The following ROBO2 variants were observed in gnomAD, a reference collection of about 807,000 sequenced individuals.
ROBO2 encodes roundabout homolog 2.
A neutral mutation model predicts 160.8 loss-of-function variants in ROBO2; 53 were observed. The ratio of observed to expected loss-of-function variants is 0.33; its 90% CI spans 0.26 to 0.41. The LOEUF is 0.41. ROBO2 is among the 10% of genes least tolerant of loss of function. The pLI, the probability that ROBO2 is intolerant of heterozygous loss-of-function variation, is 1.00. For missense variants in ROBO2, 1,577 were observed against 1,722.4 expected (o/e 0.92, Z 1.49); for synonymous variants, 664 against 611.7 (o/e 1.09, Z -1.26).
intron 2 of ROBO2, among the ~76,000 whole-genome samples, chr3:76,201,181 T>C (rs567751234): frequency 1.3e-5 from 2 of 152,322 alleles, no homozygotes; most frequent in African/African-American, 2.4e-5. Context: ...TTCTCAGTTA[T>C]TTGTGAATAT....
chr3:77,561,910 C>T (rs994539585), intron 9 of ROBO2, among the ~76,000 whole-genome samples: 3 of 151,928 alleles, frequency 2.0e-5, no homozygotes, highest in African/African-American at 7.3e-5. Flanking sequence ...TCGAGACCAG[C>T]CTGACCAACA....
At chr3:77,352,432 AG>A (rs1364880155) in intron 2 of ROBO2, among the ~76,000 whole-genome samples, 1 of 152,102 alleles carries the variant, frequency 6.6e-6, no homozygotes, top group Non-Finnish European at 1.5e-5. Flanking sequence ...GCATCAGCCC[AG>A]AGAGAGACAT....
chr3:77,145,043 G>T (rs12494225), intron 2 of ROBO2, among the ~76,000 whole-genome samples: 1 of 151,942 alleles, frequency 6.6e-6, no homozygotes, highest in African/African-American at 2.4e-5. Flanking sequence ...TTAAGTGTTA[G>T]TATTATATAC....
At chr3:77,586,995 T>C (rs1315100356) in intron 16 of ROBO2, among the ~76,000 whole-genome samples, 4 of 151,942 alleles carry the variant, frequency 2.6e-5, no homozygotes, top group Non-Finnish European at 4.4e-5. Flanking sequence ...TATAAGTATG[T>C]ATAAGGAAAT....
At chr3:76,543,643 T>C (rs1441583282) in intron 2 of ROBO2, among the ~76,000 whole-genome samples, 1 of 152,096 alleles carries the variant, frequency 6.6e-6, no homozygotes, top group Non-Finnish European at 1.5e-5. Flanking sequence ...ACCACGGTTT[T>C]GATGTAAATG....
chr3:77,305,439 A>C (rs778840051), intron 2 of ROBO2, among the ~76,000 whole-genome samples: 1 of 152,202 alleles, frequency 6.6e-6, no homozygotes, highest in Non-Finnish European at 1.5e-5. Flanking sequence ...ACAGCAATAC[A>C]TCAGCAATCT....
At chr3:76,729,831 T>C (rs889187451) in intron 2 of ROBO2, among the ~76,000 whole-genome samples, 1 of 151,988 alleles carries the variant, frequency 6.6e-6, no homozygotes, top group African/African-American at 2.4e-5. Context: ...AGAGACGAGG[T>C]TTTGCCATCT....
chr3:77,288,922 T>C (rs1178477287), intron 2 of ROBO2, among the ~76,000 whole-genome samples: 1 of 152,116 alleles, frequency 6.6e-6, no homozygotes, highest in Non-Finnish European at 1.5e-5. Flanking sequence ...AGTAAAGTTG[T>C]CAATATATTT....
intron 2 of ROBO2, among the ~76,000 whole-genome samples, chr3:76,220,052 TC>T (rs1703855824): frequency 6.6e-6 from 1 of 151,744 alleles, no homozygotes. Flanking sequence ...CTGGAAACCA[TC>T]ATTCTCAGCA....
rs529649516 is a variant in ROBO2, at chr3:77,274,396, C to T, written c.388+176056C>T. ...TTATTAAAATTACACTTGTACATAT[C>T]GTAAGAATGTTTTATATTTATTCAT... On this transcript the variant is annotated intron_variant, in intron 2 of 25. Coordinates refer to ENST00000461745, the Ensembl canonical transcript of ROBO2. Among the ~76,000 whole-genome samples, 137 of 151,978 alleles carry T rather than the reference C, an allele frequency of 9.0e-4. 1 individual carries two copies. Among genetic ancestry groups the T allele is most frequent in the Admixed American group, 1.6e-3 (24 of 15,248 alleles).
intron 2 of ROBO2, among the ~76,000 whole-genome samples, chr3:76,923,622 G>T (rs542489602): frequency 6.6e-6 from 1 of 152,272 alleles, no homozygotes; most frequent in Non-Finnish European, 1.5e-5. Context: ...AAGCTCATTG[G>T]CCAGGAATGA....
At chr3:76,888,222 G>C (rs1396741704) in intron 2 of ROBO2, among the ~76,000 whole-genome samples, 1 of 152,054 alleles carries the variant, frequency 6.6e-6, no homozygotes, top group Non-Finnish European at 1.5e-5. Flanking sequence ...ATAAAGATTA[G>C]CCAGGTGTAG....
intron 2 of ROBO2, among the ~76,000 whole-genome samples, chr3:76,834,354 A>G (rs1442253645): frequency 6.6e-6 from 1 of 151,212 alleles, no homozygotes; most frequent in African/African-American, 2.4e-5. Context: ...TGCCCTGCTA[A>G]TTATTTATTT....
intron 2 of ROBO2, among the ~76,000 whole-genome samples, chr3:76,170,494 A>T (rs1023625275): frequency 7.9e-5 from 12 of 152,188 alleles, no homozygotes; most frequent in African/African-American, 2.9e-4. Context: ...AAAGCAAATG[A>T]TACTGGCCAA....
intron 2 of ROBO2, among the ~76,000 whole-genome samples, chr3:76,400,374 T>C (rs1010027048): frequency 1.3e-5 from 2 of 151,582 alleles, no homozygotes; most frequent in African/African-American, 2.4e-5. Context: ...GATAGCAACA[T>C]CTAGATACCA....
At chr3:76,759,892 G>T (rs933112504) in intron 2 of ROBO2, among the ~76,000 whole-genome samples, 1 of 151,722 alleles carries the variant, frequency 6.6e-6, no homozygotes, top group Non-Finnish European at 1.5e-5. Flanking sequence ...CTTCACTTAG[G>T]CCCTGGTACT....
intron 6 of ROBO2, among the ~76,000 whole-genome samples, chr3:77,530,741 G>A (rs1453052321): frequency 6.6e-6 from 1 of 151,942 alleles, no homozygotes; most frequent in Admixed American, 6.6e-5. Context: ...CCCTTCCTGT[G>A]GTTTTGACGT....
intron 2 of ROBO2, among the ~76,000 whole-genome samples, chr3:77,445,099 G>A (rs2080333860): frequency 6.6e-6 from 1 of 152,066 alleles, no homozygotes; most frequent in Non-Finnish European, 1.5e-5. Context: ...TACATTTTTT[G>A]TCTTCTGCAG....
chr3:77,098,232 C>T, exon 2 of ROBO2: 1 of 1,614,150 alleles, frequency 6.2e-7, no homozygotes, highest in Non-Finnish European at 8.5e-7. Flanking sequence ...ATTCTTCTTG[C>T]GCATCGTGCA....
Sources: allele counts gnomAD v4.1 joint callset (sites outside exome capture counted in the v4.1 genomes callset), GRCh38; gene constraint gnomAD v4.1.1; transcripts MANE v1.5; gene names NCBI Gene and HGNC (gene_info 2026-07-23, HGNC 2026-07-21).